The following PDPR variants were observed in gnomAD, a reference collection of about 807,000 sequenced individuals.
PDPR encodes the protein pyruvate dehydrogenase phosphatase regulatory subunit.
PDPR carries 50 observed loss-of-function variants against 102.2 expected under a neutral mutation model. The ratio of observed to expected loss-of-function variants is 0.49; its 90% CI spans 0.39 to 0.62. The LOEUF is 0.62. PDPR is among the 20% of genes least tolerant of loss of function. PDPR has a pLI of 0.00. For synonymous variants in PDPR, 259 were observed against 406.0 expected, an observed-to-expected ratio of 0.64 and a Z score of 4.35; for missense variants, 625 against 1,098.2, an observed-to-expected ratio of 0.57 and a Z score of 6.09.
At chr16:70,121,740 G>A (rs1201300644) in intron 3 of PDPR, among the ~76,000 whole-genome samples, 1 of 150,286 alleles carries the variant, frequency 6.7e-6, no homozygotes, top group East Asian at 1.9e-4. Flanking sequence ...TTCTCAACCT[G>A]TGTTTAGCTA....
chr16:70,162,770 C>T (rs1322626564), downstream of PDPR, among the ~76,000 whole-genome samples: 1 of 152,270 alleles, frequency 6.6e-6, no homozygotes, highest in African/African-American at 2.4e-5. Flanking sequence ...CTTCTGCCTA[C>T]AGCTGACCTC....
chr16:70,140,237 A>G (rs561086563), intron 11 of PDPR, among the ~76,000 whole-genome samples: 8 of 152,368 alleles, frequency 5.3e-5, no homozygotes, highest in Non-Finnish European at 1.0e-4. Context: ...GCTACTTGGG[A>G]GGCTGAGGTA....
Position 70,127,390 on chromosome 16 carries a change from A to G in PDPR, c.358A>G (p.Thr120Ala), listed in dbSNP as rs1241977995. ...YQLEQETGIQ[T>A]GYTRTGSIFL... The stretch of plus-strand genomic sequence containing the variant: ...GTTAGAGCAAGAAACAGGGATCCAA[A>G]CAGGTAAGCAAGTGTCTTCCATTTA... The change falls in exon 4 of 19, where the codon ACA becomes GCA. Residue 120 changes from threonine to alanine, a missense_variant. Coordinates refer to ENST00000288050, the MANE Select transcript of PDPR (RefSeq NM_017990.5). The G allele has an allele frequency of 6.2e-7, 1 of 1,609,084 alleles. No individual in the cohort carries two copies. The highest frequency in any genetic ancestry group is 8.5e-7 in the Non-Finnish European group (1 of 1,178,164).
intron 3 of PDPR, among the ~76,000 whole-genome samples, chr16:70,124,695 A>G (rs1398870743): frequency 6.6e-6 from 1 of 152,254 alleles, no homozygotes; most frequent in Admixed American, 6.5e-5. Flanking sequence ...CCAGAGCTAT[A>G]GGTGCTGACC....
intron 3 of PDPR, among the ~76,000 whole-genome samples, chr16:70,122,778 A>T (rs1455821242): frequency 6.6e-6 from 1 of 152,220 alleles, no homozygotes. Context: ...CATTTATTAT[A>T]GTTGGCATAT....
At chr16:70,145,114 A>T (rs1222561529) in intron 15 of PDPR, among the ~76,000 whole-genome samples, 1 of 151,768 alleles carries the variant, frequency 6.6e-6, no homozygotes, top group Admixed American at 6.6e-5. Context: ...TTAGCTGGAC[A>T]TGGTGGTGCA....
In PDPR at chr16:70,157,445, T is replaced by C. The variant is rs925979363; in HGVS notation, c.*566T>C. 6 of 349,210 alleles carry C rather than the reference T, an allele frequency of 1.7e-5. No homozygotes were observed. In the East Asian group the frequency reaches 3.8e-4, roughly 22 times the overall value. 21.6% of individuals were successfully genotyped at this position (349,210 alleles called of 1,614,324 possible). A position where few individuals can be genotyped will look rare whatever the true frequency, so the allele number is the denominator to read the frequency against. On this transcript the variant is annotated 3_prime_UTR_variant, in exon 19 of 19. Coordinates refer to ENST00000288050, the MANE Select transcript of PDPR (RefSeq NM_017990.5). ...AGAGGATGATTATCTACCTCACTGATAAGAGGCATCGCATGGACGTTCTCT... is the reference window on the plus strand; with the variant it reads ...AGAGGATGATTATCTACCTCACTGACAAGAGGCATCGCATGGACGTTCTCT...
chr16:70,156,979 C>CT lies in PDPR; in HGVS notation c.*103dup. 1 of 1,477,110 alleles carries CT rather than the reference C, an allele frequency of 6.8e-7. No individual in the cohort carries two copies. Among genetic ancestry groups the CT allele is most frequent in the South Asian group, 1.2e-5 (1 of 82,022 alleles). The allele number at this position is 1,477,110 out of a possible 1,614,324, so 91.5% of individuals were successfully genotyped here. Reference sequence around the variant, plus strand: ...TCCGCCTCTGTTCCTCTTCTGGAGCCTTTGCCTCCCATCTCTTATCTCCTT... The same window carrying CT: ...TCCGCCTCTGTTCCTCTTCTGGAGCCTTTTGCCTCCCATCTCTTATCTCCTT... On this transcript the variant is annotated 3_prime_UTR_variant, in exon 19 of 19. Transcript: ENST00000288050.
At chr16:70,152,398 A>G (rs1966804729) in intron 17 of PDPR, among the ~76,000 whole-genome samples, 1 of 152,274 alleles carries the variant, frequency 6.6e-6, no homozygotes, top group Admixed American at 6.5e-5. Flanking sequence ...AGCCACCTAT[A>G]GTACCAGCTA....
At chr16:70,131,525 C>G (rs1964536677) in intron 8 of PDPR, 106 bp downstream of exon 8, 7 of 1,246,538 alleles carry the variant, frequency 5.6e-6, no homozygotes, top group African/African-American at 1.5e-5. Context: ...AAGAGTCTTT[C>G]ATTTCTAGAG....
rs201382204 is a variant in PDPR, at chr16:70,156,535, C to G, written c.2296C>G (p.Arg766Gly). The part of the protein sequence containing the change: ...LQQKQNGVYK[R>G]LTMFILDDHD... ...GCAGAAGCAGAATGGAGTGTATAAA[C>G]GCCTCACCATGTTCATCCTGGACGA... is the stretch of plus-strand genomic sequence containing the variant. The change falls in exon 19 of 19, where the codon CGC becomes GGC. Residue 766 changes from arginine to glycine, a missense_variant. Around this residue, in one of 11 missense-constraint regions of PDPR, gnomAD observed 303 missense variants for 258.9 expected, o/e 1.17. Transcript: ENST00000288050. The G allele has an allele frequency of 6.2e-7, 1 of 1,612,172 alleles. No individual in the cohort carries two copies. The highest frequency in any genetic ancestry group is 8.5e-7 in the Non-Finnish European group (1 of 1,179,148).
chr16:70,133,686 G>A (rs1262317591), intron 9 of PDPR, among the ~76,000 whole-genome samples: 8 of 152,174 alleles, frequency 5.3e-5, no homozygotes, highest in East Asian at 3.8e-4. Flanking sequence ...CCAAAGTGCT[G>A]GGAGTAAAGG....
chr16:70,129,798 A>G (rs1419113049), intron 6 of PDPR, among the ~76,000 whole-genome samples: 4 of 152,284 alleles, frequency 2.6e-5, no homozygotes, highest in Non-Finnish European at 4.4e-5. Flanking sequence ...CGTCCAGGGT[A>G]TCATATCCAT....
Position 70,152,023 on chromosome 16 carries a change from G to T in PDPR, c.2053-1368G>T, listed in dbSNP as rs76700571. Reference sequence around the variant, plus strand: ...CACCTGGTTACATCGTTCTTCCTTGGTCATCCTCTTACCTAAAGGACCGGG... The same window carrying T: ...CACCTGGTTACATCGTTCTTCCTTGTTCATCCTCTTACCTAAAGGACCGGG... On this transcript the variant is annotated intron_variant, in intron 17 of 18. Coordinates refer to ENST00000288050, the MANE Select transcript of PDPR (RefSeq NM_017990.5). Among the ~76,000 whole-genome samples, 182 of 152,366 alleles carry T rather than the reference G, an allele frequency of 1.2e-3. No homozygotes were observed. The East Asian group carries it at 0.029, about 24-fold the overall frequency.
At chr16:70,140,105 G>C (rs376977246) in intron 11 of PDPR, among the ~76,000 whole-genome samples, 2 of 152,388 alleles carry the variant, frequency 1.3e-5, no homozygotes, top group South Asian at 4.1e-4. Context: ...GGACGTTGAG[G>C]GAGGTAGGTC....
At chr16:70,135,799 G>C (rs1965069203) in intron 9 of PDPR, among the ~76,000 whole-genome samples, 1 of 152,262 alleles carries the variant, frequency 6.6e-6, no homozygotes, top group African/African-American at 2.4e-5. Flanking sequence ...CGGACGCAGT[G>C]GTTCACACCT....
In PDPR at chr16:70,153,783, C is replaced by T. The variant is rs1344749261; in HGVS notation, c.2235+210C>T. On this transcript the variant is annotated intron_variant, in intron 18 of 18. Transcript: ENST00000288050. ...ATGAAAACATAATAATGGTGGCTCA[C>T]GCCTGAATCCCAGCACTTTGGGAGG... Among the ~76,000 whole-genome samples, 10 of 152,392 alleles carry T rather than the reference C, an allele frequency of 6.6e-5. No individual in the cohort carries two copies. In the East Asian group the frequency reaches 7.7e-4, roughly 12 times the overall value.
chr16:70,163,001 A>G (rs911461688), downstream of PDPR, among the ~76,000 whole-genome samples: 1 of 152,230 alleles, frequency 6.6e-6, no homozygotes, highest in African/African-American at 2.4e-5. Context: ...CCCAGGCTGG[A>G]GTACAGTGGT....
intron 17 of PDPR, 122 bp from the exon 18 acceptor site, chr16:70,153,269 G>C: frequency 9.0e-7 from 1 of 1,111,838 alleles, no homozygotes; most frequent in Non-Finnish European, 1.3e-6. Context: ...GAGACATCCT[G>C]GGAGTTTTAT....
Sources: gnomAD v4.1 joint callset for allele counts (sites outside exome capture counted in the v4.1 genomes callset) on GRCh38, gnomAD v4.1.1 for gene constraint, gnomAD v4.1.1 regional missense constraint, MANE v1.5 for transcripts, NCBI Gene and HGNC (gene_info 2026-07-23, HGNC 2026-07-21) for gene names.